Variants in PLEKHA5 observed in about 807,000 individuals in gnomAD.
The protein encoded by PLEKHA5 is pleckstrin homology domain-containing family A member 5.
PLEKHA5 carries 55 observed loss-of-function variants against 181.9 expected under a neutral mutation model. The observed-to-expected ratio is 0.30, with a 90% CI of 0.24 to 0.38. The LOEUF is 0.38. Ranked by LOEUF, PLEKHA5 falls within the 10% of genes least tolerant of loss-of-function variation. PLEKHA5 has a pLI of 1.00. For missense variants in PLEKHA5, 1,432 were observed against 1,549.5 expected, an observed-to-expected ratio of 0.92 and a Z score of 1.27; for synonymous variants, 535 against 529.4, an observed-to-expected ratio of 1.01 and a Z score of -0.15.
At chr12:19,185,329 T>C (rs949953016) in intron 3 of PLEKHA5, among the ~76,000 whole-genome samples, 1 of 151,960 alleles carries the variant, frequency 6.6e-6, no homozygotes, top group African/African-American at 2.4e-5. Context: ...TTGACCAGGG[T>C]GTGCACATTA....
intron 3 of PLEKHA5, among the ~76,000 whole-genome samples, chr12:19,213,460 G>A (rs1345026030): frequency 6.6e-6 from 1 of 152,158 alleles, no homozygotes; most frequent in Non-Finnish European, 1.5e-5. Flanking sequence ...GGGAGCACAG[G>A]CAGATGAGGA....
At chr12:19,146,890 A>T (rs1454638224) in intron 3 of PLEKHA5, among the ~76,000 whole-genome samples, 2 of 152,198 alleles carry the variant, frequency 1.3e-5, no homozygotes, top group Non-Finnish European at 2.9e-5. Context: ...TGATACTGTT[A>T]TATACCAGTT....
At chr12:19,253,666 A>C (rs1466977687) in intron 3 of PLEKHA5, among the ~76,000 whole-genome samples, 1 of 151,842 alleles carries the variant, frequency 6.6e-6, no homozygotes, top group Non-Finnish European at 1.5e-5. Flanking sequence ...AAAATACAAA[A>C]AATTAACTGG....
intron 2 of PLEKHA5, among the ~76,000 whole-genome samples, chr12:19,131,703 T>C (rs1396567364): frequency 6.6e-6 from 1 of 152,194 alleles, no homozygotes; most frequent in East Asian, 1.9e-4. Context: ...GGTTTTACTT[T>C]GCTTGGACTC....
intron 24 of PLEKHA5, among the ~76,000 whole-genome samples, chr12:19,347,605 G>A (rs2094401356): frequency 6.6e-6 from 1 of 152,188 alleles, no homozygotes; most frequent in African/African-American, 2.4e-5. Flanking sequence ...ACTCAAAGAT[G>A]TGGATGTTGC....
In PLEKHA5 at chr12:19,157,097, T is replaced by TACACACACACACACACAC. The variant is rs3056384; in HGVS notation, c.227+24660_227+24677dup. Among the ~76,000 whole-genome samples, 261 of 143,282 alleles carry TACACACACACACACACAC rather than the reference T, an allele frequency of 1.8e-3. 1 individual carries two copies. The highest frequency in any genetic ancestry group is 2.9e-3 in the Admixed American group (41 of 14,154). 94.0% of individuals were successfully genotyped at this position (143,282 alleles called of 152,430 possible). Reference sequence around the variant, plus strand: ...TATGGTTTTTATATCTATATGTACATACACACACACACACACACACACACA... The same window carrying TACACACACACACACACAC: ...TATGGTTTTTATATCTATATGTACATACACACACACACACACACACACACACACACACACACACACACA... On this transcript the variant is annotated intron_variant, in intron 3 of 31. Coordinates refer to ENST00000429027, the MANE Select transcript of PLEKHA5 (RefSeq NM_001256470.2).
At chr12:19,227,836 G>A (rs2059910641) in intron 3 of PLEKHA5, among the ~76,000 whole-genome samples, 2 of 152,212 alleles carry the variant, frequency 1.3e-5, no homozygotes, top group South Asian at 4.1e-4. Context: ...TTCAGTAGCA[G>A]CTGTTTTGCA....
chr12:19,311,684 A>G (rs1565602900), intron 15 of PLEKHA5, among the ~76,000 whole-genome samples: 5 of 152,266 alleles, frequency 3.3e-5, no homozygotes, highest in African/African-American at 7.2e-5. Context: ...TTCAGGCTTC[A>G]CTTCTGATTC....
At chr12:19,232,642 T>C (rs950907932) in intron 3 of PLEKHA5, among the ~76,000 whole-genome samples, 2 of 152,198 alleles carry the variant, frequency 1.3e-5, no homozygotes, top group Admixed American at 6.5e-5. Flanking sequence ...TTTCTCATTA[T>C]AAATGGTCTC....
At chr12:19,160,143 CTT>C (rs1438122985) in intron 3 of PLEKHA5, among the ~76,000 whole-genome samples, 14 of 152,026 alleles carry the variant, frequency 9.2e-5, no homozygotes, top group African/African-American at 3.4e-4. Flanking sequence ...AAGTAAATAA[CTT>C]TATGTTTTAG....
chr12:19,242,695 TG>T (rs2062891974), intron 3 of PLEKHA5, among the ~76,000 whole-genome samples: 1 of 152,190 alleles, frequency 6.6e-6, no homozygotes. Context: ...TTCCCCTTAA[TG>T]TTCTTAATGT....
chr12:19,337,716 A>G (rs2093561312), intron 21 of PLEKHA5, among the ~76,000 whole-genome samples: 1 of 152,066 alleles, frequency 6.6e-6, no homozygotes, highest in Non-Finnish European at 1.5e-5. Context: ...AGACAGATCA[A>G]TACAATGAAT....
intron 3 of PLEKHA5, among the ~76,000 whole-genome samples, chr12:19,232,595 C>A (rs1326279609): frequency 1.3e-5 from 2 of 152,116 alleles, no homozygotes; most frequent in African/African-American, 4.8e-5. Context: ...TAGAAGTTGT[C>A]ACTCTCTGAG....
intron 20 of PLEKHA5, among the ~76,000 whole-genome samples, chr12:19,335,530 C>T (rs2093351432): frequency 6.6e-6 from 1 of 151,596 alleles, no homozygotes; most frequent in South Asian, 2.1e-4. Flanking sequence ...ATTCTCCTGC[C>T]TCAGCCTCCT....
chr12:19,223,740 C>G (rs1312000243), intron 3 of PLEKHA5, among the ~76,000 whole-genome samples: 1 of 152,116 alleles, frequency 6.6e-6, no homozygotes, highest in African/African-American at 2.4e-5. Context: ...CAGAGATTAA[C>G]TCAAAACATA....
intron 26 of PLEKHA5, among the ~76,000 whole-genome samples, chr12:19,355,486 G>A (rs2094877128): frequency 6.6e-6 from 1 of 151,188 alleles, no homozygotes; most frequent in South Asian, 2.1e-4. Flanking sequence ...TGGCTAGCTG[G>A]GACAATAAGC....
intron 3 of PLEKHA5, among the ~76,000 whole-genome samples, chr12:19,169,472 A>G (rs1027818537): frequency 2.0e-5 from 3 of 152,136 alleles, no homozygotes; most frequent in African/African-American, 7.2e-5. Context: ...TGTTTCTAAT[A>G]TTGCCTCCTG....
In PLEKHA5 at chr12:19,320,134, C is replaced by A; in HGVS notation, c.2154+78C>A. The A allele has an allele frequency of 1.1e-5, 6 of 550,308 alleles. No homozygotes were observed. In the South Asian group the frequency reaches 1.4e-4, roughly 13 times the overall value. The allele number at this position is 550,308 out of a possible 1,614,324, so 34.1% of individuals were successfully genotyped here. A position where few individuals can be genotyped will look rare whatever the true frequency, so the allele number is the denominator to read the frequency against. On this transcript the variant is annotated intron_variant, in intron 17 of 31. Coordinates refer to ENST00000429027, the MANE Select transcript of PLEKHA5 (RefSeq NM_001256470.2). ...TAAGATGTGTTGACATTTGAGTGTA[C>A]ACATACACAGTGTGTGTTTATGTAT... is the stretch of plus-strand genomic sequence containing the variant.
intron 3 of PLEKHA5, among the ~76,000 whole-genome samples, chr12:19,224,902 G>A (rs1406293823): frequency 3.3e-5 from 5 of 152,144 alleles, no homozygotes; most frequent in Non-Finnish European, 7.3e-5. Context: ...ACAGGAGGCT[G>A]GAGTGGGAGG....
Sources: gnomAD v4.1 joint callset for allele counts (sites outside exome capture counted in the v4.1 genomes callset) on GRCh38, gnomAD v4.1.1 for gene constraint, MANE v1.5 for transcripts, NCBI Gene and HGNC (gene_info 2026-07-23, HGNC 2026-07-21) for gene names.